PIK3AP1: variants seen among roughly 807,000 people sequenced by gnomAD.
PIK3AP1 encodes the protein phosphoinositide-3-kinase adaptor protein 1.
PIK3AP1 carries 21 observed loss-of-function variants against 88.1 expected under a neutral mutation model. The ratio of observed to expected loss-of-function variants is 0.24; its 90% CI spans 0.17 to 0.34. PIK3AP1 has a LOEUF of 0.34. PIK3AP1 is among the 10% of genes least tolerant of loss of function. PIK3AP1 has a pLI of 1.00. For synonymous variants in PIK3AP1, 398 were observed against 400.0 expected (o/e 1.00, Z 0.06); for missense variants, 828 against 1,035.7 (o/e 0.80, Z 2.75).
rs757802699 is a variant in PIK3AP1 at position 96,682,491 on chromosome 10, G to A, written c.431-25557C>T. On this transcript the variant is annotated intron_variant, in intron 2 of 16. Coordinates refer to ENST00000339364, the MANE Select transcript of PIK3AP1 (RefSeq NM_152309.3). ...GCCTTCTCTCCAAGGATGCTTTCCC[G>A]TCTTCCGTTTCCTCAAGGAAGAAAT... Among the ~76,000 whole-genome samples the A allele has an allele frequency of 7.2e-5, 11 of 152,246 alleles. No homozygotes were observed. In the South Asian group the frequency reaches 1.0e-3, roughly 14 times the overall value.
chr10:96,628,889 C>CACACAT (rs1554955372), intron 8 of PIK3AP1, among the ~76,000 whole-genome samples: 1 of 60,848 alleles, frequency 1.6e-5, no homozygotes, highest in African/African-American at 6.0e-5. Context: ...TATATATATA[C>CACACAT]ATATATATAT....
chr10:96,691,995 G>A (rs756029), intron 2 of PIK3AP1, among the ~76,000 whole-genome samples: 86,679 of 152,034 alleles, frequency 0.57, 26,315 homozygotes, highest in African/African-American at 0.8. Flanking sequence ...TAAACTATGA[G>A]TGCAATGTGA....
At chr10:96,633,285 TC>T in intron 8 of PIK3AP1, 2 of 440,280 alleles carry the variant, frequency 4.5e-6, no homozygotes, top group Non-Finnish European at 7.7e-6. Flanking sequence ...GACATTTGGC[TC>T]TTACCAGGTT....
chr10:96,652,300 T>G (rs938882121), intron 4 of PIK3AP1, among the ~76,000 whole-genome samples: 2 of 152,166 alleles, frequency 1.3e-5, no homozygotes, highest in Non-Finnish European at 2.9e-5. Flanking sequence ...AGTAGCTGGG[T>G]GCCGTGGCTC....
intron 12 of PIK3AP1, 81 bp from the exon 13 acceptor site, chr10:96,616,792 G>A: frequency 7.5e-7 from 1 of 1,340,956 alleles, no homozygotes; most frequent in Non-Finnish European, 1.1e-6. Flanking sequence ...CAGATTGTAT[G>A]CTGTTTGCAG....
chr10:96,644,795 C>T (rs1843437305), intron 8 of PIK3AP1, among the ~76,000 whole-genome samples: 2 of 152,246 alleles, frequency 1.3e-5, no homozygotes, highest in African/African-American at 4.8e-5. Flanking sequence ...ATAAACACAT[C>T]TTATTTTTGC....
chr10:96,664,658 T>C (rs1474510804), intron 2 of PIK3AP1, among the ~76,000 whole-genome samples: 2 of 152,198 alleles, frequency 1.3e-5, no homozygotes, highest in Admixed American at 6.5e-5. Context: ...TTGGCAGATA[T>C]TTCCCAGCAT....
intron 14 of PIK3AP1, among the ~76,000 whole-genome samples, chr10:96,606,805 T>C (rs943090907): frequency 2.0e-5 from 3 of 152,240 alleles, no homozygotes; most frequent in African/African-American, 7.2e-5. Context: ...TAGCATACAG[T>C]CTAGCTCAGT....
intron 3 of PIK3AP1, among the ~76,000 whole-genome samples, chr10:96,655,550 T>C (rs1362099510): frequency 3.3e-5 from 5 of 152,136 alleles, no homozygotes; most frequent in Non-Finnish European, 5.9e-5. Flanking sequence ...ACCAAACATG[T>C]CTGATATGGT....
chr10:96,672,874 G>A (rs1843866422), intron 2 of PIK3AP1, among the ~76,000 whole-genome samples: 1 of 152,212 alleles, frequency 6.6e-6, no homozygotes, highest in Admixed American at 6.5e-5. Context: ...AGCGCCCAGT[G>A]CCTCTGAACT....
chr10:96,656,499 C>T (rs1050017247), intron 3 of PIK3AP1, among the ~76,000 whole-genome samples: 3 of 152,138 alleles, frequency 2.0e-5, no homozygotes, highest in Non-Finnish European at 4.4e-5. Context: ...TTAGGGTTAG[C>T]GTTAGTGTCT....
At position 96,609,574 on chromosome 10, in the gene PIK3AP1, C is replaced by T. The variant is rs1849066687; in HGVS notation, c.2170+138G>A. The T allele has an allele frequency of 3.2e-6, 3 of 938,314 alleles. No homozygotes were observed. The South Asian group carries it at 5.7e-5, about 18-fold the overall frequency. The allele number at this position is 938,314 out of a possible 1,614,324, so 58.1% of individuals were successfully genotyped here. On this transcript the variant is annotated intron_variant, in intron 14 of 16. Transcript: ENST00000339364. Reference sequence around the variant, plus strand: ...TCATAGTCAAACAGTAACTCGGCCCCACCTTTTATACCTCTCAAACCCAAA... The same window carrying T: ...TCATAGTCAAACAGTAACTCGGCCCTACCTTTTATACCTCTCAAACCCAAA...
chr10:96,676,096 T>A (rs568850262), intron 2 of PIK3AP1, among the ~76,000 whole-genome samples: 1 of 152,072 alleles, frequency 6.6e-6, no homozygotes, highest in Non-Finnish European at 1.5e-5. Context: ...TCCTCTCCTG[T>A]CTTCTGTTTG....
At chr10:96,704,183 A>C (rs1053208782) in intron 2 of PIK3AP1, among the ~76,000 whole-genome samples, 1 of 152,204 alleles carries the variant, frequency 6.6e-6, no homozygotes, top group Non-Finnish European at 1.5e-5. Context: ...CTCTACCCTG[A>C]AGTCTGATGG....
rs1272593644 is a variant in PIK3AP1, at chr10:96,609,877, G to A, written c.2015-10C>T. Reference sequence around the variant, plus strand: ...ACCGTGATCTCCAAGTCTGGAATTGGAGGAAAGAGGGATAAGCTGTCAAGA... The same window carrying A: ...ACCGTGATCTCCAAGTCTGGAATTGAAGGAAAGAGGGATAAGCTGTCAAGA... On this transcript the variant is annotated splice_polypyrimidine_tract_variant and intron_variant, in intron 13 of 16. Coordinates refer to ENST00000339364, the MANE Select transcript of PIK3AP1 (RefSeq NM_152309.3). 7 of 1,613,686 alleles carry A rather than the reference G, an allele frequency of 4.3e-6. No homozygotes were observed. The highest frequency in any genetic ancestry group is 5.9e-6 in the Non-Finnish European group (7 of 1,179,744).
intron 2 of PIK3AP1, among the ~76,000 whole-genome samples, chr10:96,672,072 G>C (rs1843855069): frequency 6.6e-6 from 1 of 152,144 alleles, no homozygotes; most frequent in African/African-American, 2.4e-5. Flanking sequence ...AGTCATGGTG[G>C]TCACACTGTC....
At chr10:96,648,935 C>A in intron 6 of PIK3AP1, 80 bp from the exon 7 acceptor site, 1 of 1,248,618 alleles carries the variant, frequency 8.0e-7, no homozygotes, top group Non-Finnish European at 1.1e-6. Flanking sequence ...ATGAAGCTGC[C>A]AAGACTAGCA....
intron 2 of PIK3AP1, among the ~76,000 whole-genome samples, chr10:96,665,804 G>C (rs1376427904): frequency 6.6e-6 from 1 of 152,164 alleles, no homozygotes; most frequent in African/African-American, 2.4e-5. Flanking sequence ...TGAGACATTT[G>C]TGCCAACTGA....
intron 2 of PIK3AP1, among the ~76,000 whole-genome samples, chr10:96,677,210 C>T (rs979813667): frequency 1.3e-5 from 2 of 152,208 alleles, no homozygotes; most frequent in Admixed American, 6.5e-5. Flanking sequence ...CCCCGTGACA[C>T]ATAAAAGTAT....
Sources: gnomAD v4.1 joint callset for allele counts (sites outside exome capture counted in the v4.1 genomes callset) on GRCh38, gnomAD v4.1.1 for gene constraint, MANE v1.5 for transcripts, NCBI Gene and HGNC (gene_info 2026-07-23, HGNC 2026-07-21) for gene names.